DIAPH3: variants seen among roughly 807,000 people sequenced by gnomAD.
DIAPH3 encodes the protein protein diaphanous homolog 3.
In DIAPH3, 117 loss-of-function variants were observed where a neutral mutation model predicts 144.3. The ratio of observed to expected loss-of-function variants is 0.81; its 90% CI spans 0.70 to 0.95. The LOEUF (loss-of-function observed/expected upper bound fraction) is 0.95. Among genes scored for constraint, DIAPH3 ranks in the 40% least tolerant of loss-of-function variants. DIAPH3 has a pLI of 0.00. For synonymous variants in DIAPH3, 519 were observed against 488.9 expected, an observed-to-expected ratio of 1.06 and a Z score of -0.81; for missense variants, 1,421 against 1,412.7, an observed-to-expected ratio of 1.01 and a Z score of -0.09.
chr13:59,961,128 A>G (rs74084484), intron 17 of DIAPH3, among the ~76,000 whole-genome samples: 2,807 of 152,308 alleles, frequency 0.018, 100 homozygotes, highest in African/African-American at 0.064. Context: ...AAGCAAGGCT[A>G]CAGTGAACAT....
Position 59,964,814 on chromosome 13 carries a change from T to C in DIAPH3, c.2074+5130A>G, listed in dbSNP as rs182480518. 3.6e-4 allele frequency among the ~76,000 whole-genome samples: 55 copies of C among 152,316 alleles called. No homozygotes were observed. In the East Asian group the frequency reaches 8.1e-3, roughly 22 times the overall value. ...AGCCACAGACAAGAACCAAATGATA[T>C]GTCCCTAGAGAAATATTTCATTCTC... On this transcript the variant is annotated intron_variant, in intron 17 of 27. Transcript: ENST00000400324.
Position 60,010,524 on chromosome 13 carries a change from A to G in DIAPH3, c.908+9T>C, listed in dbSNP as rs373858805. ...TATATAATTAGGGGAATATGTTGAT[A>G]ACACTTACATGCTTTCTTCCCCTAC... On this transcript the variant is annotated intron_variant, in intron 8 of 27. Transcript: ENST00000400324. 75 of 1,570,144 alleles carry G rather than the reference A, an allele frequency of 4.8e-5. No individual in the cohort carries two copies. Among genetic ancestry groups the G allele is most frequent in the Non-Finnish European group, 6.2e-5 (71 of 1,154,344 alleles).
intron 20 of DIAPH3, among the ~76,000 whole-genome samples, chr13:59,883,473 A>G (rs1156823789): frequency 6.6e-6 from 1 of 152,122 alleles, no homozygotes. Context: ...CCCTGAAGTT[A>G]TTATGAAACT....
intron 27 of DIAPH3, among the ~76,000 whole-genome samples, chr13:59,752,197 T>C (rs905918305): frequency 6.6e-6 from 1 of 152,108 alleles, no homozygotes; most frequent in African/African-American, 2.4e-5. Flanking sequence ...TCACAAATAC[T>C]CTATAAGGTA....
In DIAPH3 at chr13:59,666,716, C is replaced by T; in HGVS notation, c.3450G>A (p.Lys1150=). The T allele has an allele frequency of 1.2e-6, 2 of 1,614,102 alleles. No individual in the cohort carries two copies. Among genetic ancestry groups the T allele is most frequent in the Non-Finnish European group, 1.7e-6 (2 of 1,179,998 alleles). The change falls in exon 28 of 28, where the codon AAG becomes AAA. Residue 1150 remains lysine (K), a synonymous_variant. Transcript: ENST00000400324. ...LDTHTSTGRI[K]AAEKKEACNV... The stretch of plus-strand genomic sequence containing the variant: ...TACACGCTTCCTTCTTCTCAGCTGC[C>T]TTGATCCTCCCAGTAGACGTATGAG...
chr13:60,123,778 T>C (rs1165827929), intron 2 of DIAPH3, among the ~76,000 whole-genome samples: 1 of 152,158 alleles, frequency 6.6e-6, no homozygotes, highest in Non-Finnish European at 1.5e-5. Context: ...CTCATTGTTA[T>C]TAACTTACCA....
At chr13:59,923,545 A>C (rs1360520517) in intron 18 of DIAPH3, among the ~76,000 whole-genome samples, 1 of 152,156 alleles carries the variant, frequency 6.6e-6, no homozygotes, top group African/African-American at 2.4e-5. Context: ...TATGATCCCT[A>C]TATCAGGATG....
At chr13:59,707,049 A>G (rs924608811) in intron 27 of DIAPH3, among the ~76,000 whole-genome samples, 8 of 152,210 alleles carry the variant, frequency 5.3e-5, no homozygotes, top group Non-Finnish European at 1.2e-4. Flanking sequence ...ATTTCAGAAA[A>G]TGGTTATATC....
At chr13:59,848,324 T>TTTTTTTTTTTA (rs1555315118) in intron 22 of DIAPH3, among the ~76,000 whole-genome samples, 1 of 149,074 alleles carries the variant, frequency 6.7e-6, no homozygotes. Context: ...TTTTTTTTTT[T>TTTTTTTTTTTA]AATTATTATA....
chr13:60,150,058 G>C (rs1951713758), intron 1 of DIAPH3, among the ~76,000 whole-genome samples: 1 of 152,048 alleles, frequency 6.6e-6, no homozygotes, highest in Non-Finnish European at 1.5e-5. Context: ...ATCCCGCTCT[G>C]TTTCCCAGAC....
At chr13:60,004,164 T>C (rs1289803581) in intron 9 of DIAPH3, among the ~76,000 whole-genome samples, 2 of 152,238 alleles carry the variant, frequency 1.3e-5, no homozygotes, top group Non-Finnish European at 2.9e-5. Context: ...TTGGTTCCTA[T>C]TTTATTCACC....
At chr13:60,026,373 C>A (rs960712309) in intron 5 of DIAPH3, among the ~76,000 whole-genome samples, 1 of 152,030 alleles carries the variant, frequency 6.6e-6, no homozygotes, top group Non-Finnish European at 1.5e-5. Flanking sequence ...GTGGGCACAA[C>A]TATATATTAA....
chr13:59,898,813 T>A (rs998509881), intron 20 of DIAPH3, among the ~76,000 whole-genome samples: 1 of 152,116 alleles, frequency 6.6e-6, no homozygotes. Flanking sequence ...CTTGTTTGGA[T>A]TGAAGGATGC....
In DIAPH3 at chr13:60,066,064, T is replaced by C. The variant is rs1479106062; in HGVS notation, c.496-23244A>G. ...ATTCAAGAAAATAGTATAACTTTCATAGAAGTATAATTTTTAAGTGTCATT... is the reference window on the plus strand; with the variant it reads ...ATTCAAGAAAATAGTATAACTTTCACAGAAGTATAATTTTTAAGTGTCATT... On this transcript the variant is annotated intron_variant, in intron 4 of 27. Transcript: ENST00000400324. Among the ~76,000 whole-genome samples the C allele has an allele frequency of 2.0e-5, 3 of 152,088 alleles. No individual in the cohort carries two copies. In the East Asian group the frequency reaches 5.8e-4, roughly 29 times the overall value.
chr13:59,860,263 G>A (rs558270968), intron 22 of DIAPH3, among the ~76,000 whole-genome samples: 1 of 152,004 alleles, frequency 6.6e-6, no homozygotes, highest in Non-Finnish European at 1.5e-5. Flanking sequence ...TCAAGTTGAT[G>A]AATTCCAATA....
At chr13:59,707,595 T>C (rs2034501660) in intron 27 of DIAPH3, among the ~76,000 whole-genome samples, 1 of 152,212 alleles carries the variant, frequency 6.6e-6, no homozygotes, top group Admixed American at 6.5e-5. Context: ...TGATGATACA[T>C]TTCATATCAA....
intron 27 of DIAPH3, among the ~76,000 whole-genome samples, chr13:59,730,458 T>C (rs954050749): frequency 4.6e-5 from 7 of 152,148 alleles, no homozygotes; most frequent in South Asian, 2.1e-4. Flanking sequence ...GAAGAGTCCA[T>C]AGCTTTTATT....
At chr13:59,841,442 A>G (rs572024271) in intron 22 of DIAPH3, among the ~76,000 whole-genome samples, 1 of 152,164 alleles carries the variant, frequency 6.6e-6, no homozygotes, top group Non-Finnish European at 1.5e-5. Flanking sequence ...TAAAAAAAAA[A>G]AATTAGCCAG....
intron 27 of DIAPH3, among the ~76,000 whole-genome samples, chr13:59,754,111 C>T (rs1052150960): frequency 2.0e-5 from 3 of 152,160 alleles, no homozygotes; most frequent in African/African-American, 7.2e-5. Context: ...AGGGAGTAAA[C>T]ACAACTCCTG....
Sources: gnomAD v4.1 joint callset for allele counts (sites outside exome capture counted in the v4.1 genomes callset) on GRCh38, gnomAD v4.1.1 for gene constraint, MANE v1.5 for transcripts, NCBI Gene and HGNC (gene_info 2026-07-23, HGNC 2026-07-21) for gene names.